NT5C1A: variants seen among roughly 807,000 people sequenced by gnomAD.
The protein encoded by NT5C1A is cytosolic 5'-nucleotidase 1A.
NT5C1A carries 18 observed loss-of-function variants against 31.0 expected under a neutral mutation model. That is an observed-to-expected ratio of 0.58 (90% CI 0.40 to 0.86). NT5C1A has a LOEUF of 0.86. NT5C1A is among the 40% of genes least tolerant of loss of function. The pLI, the probability that NT5C1A is intolerant of heterozygous loss-of-function variation, is 0.00. For missense variants in NT5C1A, 470 were observed against 505.4 expected (o/e 0.93, Z 0.67); for synonymous variants, 185 against 203.6 (o/e 0.91, Z 0.78).
Position 39,654,039 on chromosome 1 carries a change from G to T in NT5C1A, c.*5082C>A, listed in dbSNP as rs1646447787. On this transcript the variant is annotated 3_prime_UTR_variant, in exon 6 of 6. Coordinates refer to ENST00000235628, the MANE Select transcript of NT5C1A (RefSeq NM_032526.3). Reference sequence around the variant, plus strand: ...GACCCAGTCTGGGCTTAGTGGAGAAGAGTATCATGATGGCATAGCGACAGC... The same window carrying T: ...GACCCAGTCTGGGCTTAGTGGAGAATAGTATCATGATGGCATAGCGACAGC... Among the ~76,000 whole-genome samples, 1 of 143,886 alleles carries T rather than the reference G, an allele frequency of 6.9e-6. No homozygotes were observed. Among genetic ancestry groups the T allele is most frequent in the Non-Finnish European group, 1.5e-5 (1 of 67,972 alleles). The allele number at this position is 143,886 out of a possible 152,430, so 94.4% of individuals were successfully genotyped here.
In NT5C1A at chr1:39,659,162, G is replaced by A. The variant is rs747996262; in HGVS notation, c.1066C>T (p.Arg356Trp). ...GCCTGCTTTGCAGGTGCAGTCCGCC[G>A]GGGTGTCTGTGCCACACCATAAGGC... ...HVPYGVAQTP[R>W]RTAPAKQAPS... The change falls in exon 6 of 6, where the codon CGG (arginine) becomes TGG (tryptophan). Residue 356 changes from arginine to tryptophan, a missense_variant. Arg to Trp is a moderately radical substitution (Grantham distance 101, BLOSUM62 -3). Transcript: ENST00000235628. The A allele has an allele frequency of 1.3e-5, 21 of 1,611,298 alleles. No individual in the cohort carries two copies. Among genetic ancestry groups the A allele is most frequent in the South Asian group, 3.3e-5 (3 of 90,970 alleles).
chr1:39,659,395 T>G lies in NT5C1A; in HGVS notation c.833A>C (p.Tyr278Ser). The part of the protein sequence containing the change: ...GLRLECPIRT[Y>S]LVTARSAASS... ...GGCTGCACTGCGTGCTGTCACCAAGTAGGTACGAATTGGGCACTCCAGCCG... is the reference window on the plus strand; with the variant it reads ...GGCTGCACTGCGTGCTGTCACCAAGGAGGTACGAATTGGGCACTCCAGCCG... Residue 278 changes from tyrosine (Y) to serine (S), a missense_variant, in exon 6 of 6, where the codon TAC becomes TCC. Physicochemically the swap from Tyr to Ser is moderately radical, Grantham distance 144 (BLOSUM62 -2). Transcript: ENST00000235628. 6.2e-7 allele frequency: 1 copy of G among 1,613,636 alleles called. No individual in the cohort carries two copies. The highest frequency in any genetic ancestry group is 8.5e-7 in the Non-Finnish European group (1 of 1,179,936).
At chr1:39,671,417 C>A (rs577226164) in intron 1 of NT5C1A, among the ~76,000 whole-genome samples, 43 of 152,320 alleles carry the variant, frequency 2.8e-4, no homozygotes, top group African/African-American at 9.9e-4. Context: ...ACGCGGGGAG[C>A]GCACTGCCCC....
At chr1:39,664,184 T>C (rs997728348) in intron 3 of NT5C1A, among the ~76,000 whole-genome samples, 3 of 151,744 alleles carry the variant, frequency 2.0e-5, no homozygotes, top group Admixed American at 6.5e-5. Flanking sequence ...GACAGAGTCT[T>C]GCTCTGTCGC....
chr1:39,665,494 AC>A (rs1646516357), intron 3 of NT5C1A, 26 bp downstream of exon 3: 5 of 1,593,578 alleles, frequency 3.1e-6, no homozygotes, highest in East Asian at 2.3e-5. Flanking sequence ...CCCAGGGCAA[AC>A]CCCCCATCCT....
chr1:39,666,122 G>A lies in NT5C1A; in HGVS notation c.250C>T (p.Leu84=), dbSNP rs759537313. 1.2e-6 allele frequency: 2 copies of A among 1,613,616 alleles called. No individual in the cohort carries two copies. The highest frequency in any genetic ancestry group is 2.7e-5 in the African/African-American group (2 of 74,958). Residue 84 remains leucine, a synonymous_variant, in exon 2 of 6, where the codon CTG becomes TTG. Transcript: ENST00000235628. ...CTGAAGGGTTCGTTCTCATGTTCCA[G>A]CTGGTAGCGCACGTACTCCTCCACG... is the stretch of plus-strand genomic sequence containing the variant. ...QGVEEYVRYQ[L]EHENEPFSPG... is the part of the protein sequence containing the mutation.
rs907740542 is a variant in NT5C1A at position 39,652,341 on chromosome 1, T to G, written c.*6780A>C. Reference sequence around the variant, plus strand: ...CATTTAAAAGTCCAGATTCCCAGCTTCTCTTCAAAAATGGGGCGGACTATC... The same window carrying G: ...CATTTAAAAGTCCAGATTCCCAGCTGCTCTTCAAAAATGGGGCGGACTATC... On this transcript the variant is annotated 3_prime_UTR_variant, in exon 6 of 6. Coordinates refer to ENST00000235628, the MANE Select transcript of NT5C1A (RefSeq NM_032526.3). Among the ~76,000 whole-genome samples, 1 of 152,142 alleles carries G rather than the reference T, an allele frequency of 6.6e-6. No individual in the cohort carries two copies. Among genetic ancestry groups the G allele is most frequent in the Non-Finnish European group, 1.5e-5 (1 of 68,024 alleles).
chr1:39,664,464 T>G (rs1208589372), intron 3 of NT5C1A, among the ~76,000 whole-genome samples: 1 of 65,964 alleles, frequency 1.5e-5, no homozygotes, highest in Non-Finnish European at 3.2e-5. Flanking sequence ...TATTTTTCTG[T>G]CTCTCTCTCC....
rs1646535417 is a variant in NT5C1A, at chr1:39,668,731, G to T, written c.136-2495C>A. On this transcript the variant is annotated intron_variant, in intron 1 of 5. Transcript: ENST00000235628. ...CAGCCTTCACTTTCCAGATTTGGGAGAAATGATCAGGGCGTGCCCACAAAC... is the reference window on the plus strand; with the variant it reads ...CAGCCTTCACTTTCCAGATTTGGGATAAATGATCAGGGCGTGCCCACAAAC... 2.6e-5 allele frequency among the ~76,000 whole-genome samples: 4 copies of T among 152,218 alleles called. No individual in the cohort carries two copies. The South Asian group carries it at 8.3e-4, about 31-fold the overall frequency.
Position 39,654,401 on chromosome 1 carries a change from A to G in NT5C1A, c.*4720T>C, listed in dbSNP as rs1003225462. Among the ~76,000 whole-genome samples the G allele has an allele frequency of 2.0e-5, 3 of 152,200 alleles. No individual in the cohort carries two copies. Among genetic ancestry groups the G allele is most frequent in the Non-Finnish European group, 2.9e-5 (2 of 68,040 alleles). On this transcript the variant is annotated 3_prime_UTR_variant, in exon 6 of 6. Coordinates refer to ENST00000235628, the MANE Select transcript of NT5C1A (RefSeq NM_032526.3). ...GCTGAAATCAACACTGGGCACTTCA[A>G]TCTATCCAAAACTCATGTTTAGCTA...
intron 1 of NT5C1A, 98 bp downstream of exon 1, chr1:39,671,806 C>T: frequency 6.8e-7 from 1 of 1,469,868 alleles, no homozygotes; most frequent in South Asian, 1.2e-5. Context: ...TGCGTCCCCT[C>T]CCAGAGGGGC....
chr1:39,665,508 T>G lies in NT5C1A; in HGVS notation c.433+13A>C, dbSNP rs368510889. The G allele has an allele frequency of 6.2e-7, 1 of 1,606,486 alleles. No homozygotes were observed. Among genetic ancestry groups the G allele is most frequent in the Non-Finnish European group, 8.5e-7 (1 of 1,176,600 alleles). On this transcript the variant is annotated intron_variant, in intron 3 of 5. Transcript: ENST00000235628. ...TCCCAGGGCAAACCCCCCATCCTCA[T>G]GCTCATGCTCACCATAGTGGTTGAT...
chr1:39,657,089 G>A lies in NT5C1A; in HGVS notation c.*2032C>T, dbSNP rs190242601. Among the ~76,000 whole-genome samples, 184 of 152,266 alleles carry A rather than the reference G, an allele frequency of 1.2e-3. 1 individual carries two copies. Among genetic ancestry groups the A allele is most frequent in the African/African-American group, 4.3e-3 (177 of 41,540 alleles). On this transcript the variant is annotated 3_prime_UTR_variant, in exon 6 of 6. Coordinates refer to ENST00000235628, the MANE Select transcript of NT5C1A (RefSeq NM_032526.3). ...AAAGACATTATCATATGCCCTTCCAGGGGCAATAATGCCAGTGTCCCCTGA... is the reference window on the plus strand; with the variant it reads ...AAAGACATTATCATATGCCCTTCCAAGGGCAATAATGCCAGTGTCCCCTGA...
chr1:39,654,794 C>T lies in NT5C1A; in HGVS notation c.*4327G>A, dbSNP rs994145039. 9.2e-5 allele frequency among the ~76,000 whole-genome samples: 14 copies of T among 152,214 alleles called. No homozygotes were observed. Among genetic ancestry groups the T allele is most frequent in the Non-Finnish European group, 4.4e-5 (3 of 68,042 alleles). ...GGCTGTCTGCCTTGGCCCAGGGGTC[C>T]GCACATTTTTCTGTAAAGGGCCAGA... On this transcript the variant is annotated 3_prime_UTR_variant, in exon 6 of 6. Coordinates refer to ENST00000235628, the MANE Select transcript of NT5C1A (RefSeq NM_032526.3).
In NT5C1A at chr1:39,658,262, C is replaced by T. The variant is rs1201339664; in HGVS notation, c.*859G>A. Among the ~76,000 whole-genome samples the T allele has an allele frequency of 1.3e-5, 2 of 152,218 alleles. No individual in the cohort carries two copies. Among genetic ancestry groups the T allele is most frequent in the African/African-American group, 2.4e-5 (1 of 41,458 alleles). On this transcript the variant is annotated 3_prime_UTR_variant, in exon 6 of 6. Coordinates refer to ENST00000235628, the MANE Select transcript of NT5C1A (RefSeq NM_032526.3). ...TTGTATGCGTGTCCAATTCACTCCCCTTGCTTCCTGGGCTGAGCCCTGATG... is the reference window on the plus strand; with the variant it reads ...TTGTATGCGTGTCCAATTCACTCCCTTTGCTTCCTGGGCTGAGCCCTGATG...
chr1:39,664,492 T>TCCCCTCCCCTCCCTTCCCCTCC (rs368000387), intron 3 of NT5C1A, among the ~76,000 whole-genome samples: 1 of 606 alleles, frequency 1.7e-3, no homozygotes, highest in African/African-American at 5.7e-3. Context: ...GGATTTCTCC[T>TCCCCTCCCCTCCCTTCCCCTCC]CCTCTCCTCT....
chr1:39,665,887 AT>A (rs1478505499), intron 2 of NT5C1A, among the ~76,000 whole-genome samples, 181 bp downstream of exon 2: 2 of 152,192 alleles, frequency 1.3e-5, no homozygotes, highest in African/African-American at 4.8e-5. Flanking sequence ...GTGGGGCTGC[AT>A]TTGTCCAGAG....
Position 39,659,330 on chromosome 1 carries a change from C to T in NT5C1A, c.898G>A (p.Gly300Ser). The change falls in exon 6 of 6, where the codon GGC becomes AGC. Residue 300 changes from glycine to serine, a missense_variant. Physicochemically the swap from Gly to Ser is moderately conservative, Grantham distance 56. Coordinates refer to ENST00000235628, the MANE Select transcript of NT5C1A (RefSeq NM_032526.3). Reference sequence around the variant, plus strand: ...AACAAGGCTTCATCTGTCTCCAGGCCCCAGCTGCGCAGGGTCTTGAGAGCC... The same window carrying T: ...AACAAGGCTTCATCTGTCTCCAGGCTCCAGCTGCGCAGGGTCTTGAGAGCC... ...ARALKTLRSW[G>S]LETDEALFLA... 1 of 1,613,910 alleles carries T rather than the reference C, an allele frequency of 6.2e-7. No homozygotes were observed. The highest frequency in any genetic ancestry group is 1.1e-5 in the South Asian group (1 of 91,088).
intron 3 of NT5C1A, 39 bp downstream of exon 3, chr1:39,665,482 G>T: frequency 1.3e-6 from 2 of 1,576,976 alleles, no homozygotes; most frequent in South Asian, 1.2e-5. Flanking sequence ...TGGTAGGGGT[G>T]TCCCAGGGCA....
Sources: gnomAD v4.1 joint callset for allele counts (sites outside exome capture counted in the v4.1 genomes callset) on GRCh38, gnomAD v4.1.1 for gene constraint, MANE v1.5 for transcripts, NCBI Gene and HGNC (gene_info 2026-07-23, HGNC 2026-07-21) for gene names.